The following LOC128092252 variants were observed in gnomAD, a reference collection of about 807,000 sequenced individuals.
the LOC128092252 span, among the ~76,000 whole-genome samples, chr15:50,649,923 A>G: frequency 5.3e-5 from 8 of 152,176 alleles, no homozygotes; most frequent in Non-Finnish European, 1.2e-4. Context: ...GGCCAGGTAC[A>G]GTGGCTCACA....
the LOC128092252 span, among the ~76,000 whole-genome samples, chr15:50,670,597 A>G: frequency 4.6e-5 from 7 of 152,262 alleles, 1 homozygote; most frequent in South Asian, 1.5e-3. Context: ...TATAGTTTAA[A>G]AAGAGGAGGA....
At chr15:50,675,684 CTT>C in the LOC128092252 span, among the ~76,000 whole-genome samples, 1 of 152,204 alleles carries the variant, frequency 6.6e-6, no homozygotes, top group Non-Finnish European at 1.5e-5. Context: ...GTTTTATACA[CTT>C]TGCTTTTTAA....
chr15:50,663,728 G>T, the LOC128092252 span, among the ~76,000 whole-genome samples: 1 of 152,164 alleles, frequency 6.6e-6, no homozygotes, highest in African/African-American at 2.4e-5. Flanking sequence ...CATTTTGGGA[G>T]CCAAGGTGAG....
At chr15:50,661,831 T>C in the LOC128092252 span, among the ~76,000 whole-genome samples, 2 of 152,224 alleles carry the variant, frequency 1.3e-5, no homozygotes, top group South Asian at 2.1e-4. Context: ...TTTTCATTTT[T>C]TCTAAGTGCC....
the LOC128092252 span, among the ~76,000 whole-genome samples, chr15:50,659,333 G>C: frequency 1.3e-5 from 2 of 152,254 alleles, no homozygotes; most frequent in Non-Finnish European, 2.9e-5. Context: ...CTTTCTGGAA[G>C]ACATTCCAAG....
At chr15:50,650,972 T>A in the LOC128092252 span, among the ~76,000 whole-genome samples, 1 of 152,144 alleles carries the variant, frequency 6.6e-6, no homozygotes, top group Non-Finnish European at 1.5e-5. Context: ...GCAGTTTGCT[T>A]GAGCCCAGGA....
At chr15:50,676,814 G>T in the LOC128092252 span, among the ~76,000 whole-genome samples, 1 of 152,076 alleles carries the variant, frequency 6.6e-6, no homozygotes, top group African/African-American at 2.4e-5. Context: ...ACAGCAGCTG[G>T]AAAGTGATGG....
chr15:50,667,990 T>G, the LOC128092252 span, among the ~76,000 whole-genome samples: 1 of 152,206 alleles, frequency 6.6e-6, no homozygotes, highest in Non-Finnish European at 1.5e-5. Context: ...TCAGCAGTAA[T>G]TATGATTATT....
chr15:50,671,786 G>T, the LOC128092252 span, among the ~76,000 whole-genome samples: 1 of 151,974 alleles, frequency 6.6e-6, no homozygotes, highest in Non-Finnish European at 1.5e-5. Context: ...CTCCAGCCTG[G>T]GTGAGAGAAC....
chr15:50,661,443 C>T, the LOC128092252 span, among the ~76,000 whole-genome samples: 274 of 152,206 alleles, frequency 1.8e-3, 9 homozygotes, highest in East Asian at 0.049. Flanking sequence ...TGAAACTCTA[C>T]GTATTGCTTC....
At chr15:50,658,256 C>T in the LOC128092252 span, among the ~76,000 whole-genome samples, 3 of 152,008 alleles carry the variant, frequency 2.0e-5, no homozygotes, top group Admixed American at 6.6e-5. Flanking sequence ...CCACCTGCCT[C>T]GGCCTCCCAA....
the LOC128092252 span, among the ~76,000 whole-genome samples, chr15:50,680,020 G>A: frequency 1.3e-5 from 2 of 152,044 alleles, no homozygotes; most frequent in Admixed American, 6.6e-5. Context: ...GATCACTTGA[G>A]GTCAGGAGTT....
the LOC128092252 span, among the ~76,000 whole-genome samples, chr15:50,683,035 A>G: frequency 1.3e-5 from 2 of 151,632 alleles, no homozygotes; most frequent in African/African-American, 4.8e-5. Flanking sequence ...GGTGCGCATC[A>G]CCATGCCCAG....
At chr15:50,685,044 G>C in the LOC128092252 span, among the ~76,000 whole-genome samples, 1 of 152,206 alleles carries the variant, frequency 6.6e-6, no homozygotes, top group Non-Finnish European at 1.5e-5. Flanking sequence ...ATTTGTCTGG[G>C]ATTTGCTTTA....
the LOC128092252 span, among the ~76,000 whole-genome samples, chr15:50,679,514 ATATATAT>A: frequency 0.095 from 8,501 of 89,474 alleles, 529 homozygotes; most frequent in Admixed American, 0.2. Flanking sequence ...TATATATAAT[ATATATAT>A]ATATATATAT....
the LOC128092252 span, among the ~76,000 whole-genome samples, chr15:50,659,843 T>A: frequency 6.6e-6 from 1 of 152,068 alleles, no homozygotes; most frequent in Admixed American, 6.6e-5. Flanking sequence ...AGTTTTTATA[T>A]TTTTAGTAGA....
the LOC128092252 span, among the ~76,000 whole-genome samples, chr15:50,675,049 A>C: frequency 2.0e-5 from 3 of 152,194 alleles, no homozygotes; most frequent in Non-Finnish European, 2.9e-5. Context: ...GCATGTTTCA[A>C]GAAAATCTCC....
chr15:50,663,014 G>C, the LOC128092252 span: 6 of 1,613,656 alleles, frequency 3.7e-6, no homozygotes, highest in South Asian at 6.6e-5. Flanking sequence ...ATTCCCTCTT[G>C]GTCAAAGTGC....
At chr15:50,685,638 G>C in the LOC128092252 span, among the ~76,000 whole-genome samples, 1 of 152,160 alleles carries the variant, frequency 6.6e-6, no homozygotes, top group African/African-American at 2.4e-5. Context: ...TTTGCATAAA[G>C]CCTATCAAAT....
Sources: allele counts gnomAD v4.1 joint callset (sites outside exome capture counted in the v4.1 genomes callset), GRCh38; gene constraint gnomAD v4.1.1; transcripts MANE v1.5.